Variants in CUX2 observed in about 807,000 individuals in gnomAD.
The protein encoded by CUX2 is homeobox protein cut-like 2.
A neutral mutation model predicts 144.8 loss-of-function variants in CUX2; 40 were observed. The ratio of observed to expected loss-of-function variants is 0.28; its 90% CI spans 0.21 to 0.36. CUX2 has a LOEUF of 0.36. Among genes scored for constraint, CUX2 ranks in the 10% least tolerant of loss-of-function variants. CUX2 has a pLI of 1.00. For synonymous variants in CUX2, 827 were observed against 875.6 expected (o/e 0.94, Z 0.98); for missense variants, 1,615 against 1,994.0 (o/e 0.81, Z 3.62).
At position 111,312,143 on chromosome 12, in the gene CUX2, C is replaced by T. The variant is rs199957017; in HGVS notation, c.1944C>T (p.Asp648=). The T allele has an allele frequency of 1.4e-3, 2,205 of 1,612,482 alleles. 16 individuals are homozygous for T. Among genetic ancestry groups the T allele is most frequent in the South Asian group, 0.011 (969 of 90,916 alleles). Residue 648 remains aspartate, a synonymous_variant, in exon 16 of 22, where the codon GAC becomes GAT. Transcript: ENST00000261726. This position sits in a 1 kb window ranked among gnomAD's most constrained non-coding sequence, Gnocchi z 4.3. ...PRIRTPETGS[D]DAIKSILEQA... ...TCCGCACGCCTGAGACAGGCTCAGA[C>T]GACGCCATCAAGAGCATTCTAGAGC... is the stretch of plus-strand genomic sequence containing the variant.
At chr12:111,140,260 C>A (rs922434532) in intron 1 of CUX2, among the ~76,000 whole-genome samples, 2 of 152,178 alleles carry the variant, frequency 1.3e-5, no homozygotes, top group Admixed American at 1.3e-4. Context: ...TATACAGGGA[C>A]TTAATTTCCC....
rs1271298951 is a variant in CUX2 at position 111,266,587 on chromosome 12, C to T, written c.301+2748C>T. Among the ~76,000 whole-genome samples the T allele has an allele frequency of 2.6e-5, 4 of 152,052 alleles. No homozygotes were observed. In the East Asian group the frequency reaches 7.7e-4, roughly 29 times the overall value. ...ACAAGGCAAGGAGCACCAAAGATTGCCAGCAACCATGAGAAACTGGGAGAG... is the reference window on the plus strand; with the variant it reads ...ACAAGGCAAGGAGCACCAAAGATTGTCAGCAACCATGAGAAACTGGGAGAG... On this transcript the variant is annotated intron_variant, in intron 4 of 21. Transcript: ENST00000261726.
chr12:111,204,749 A>G (rs1880812378), intron 1 of CUX2, among the ~76,000 whole-genome samples: 1 of 152,048 alleles, frequency 6.6e-6, no homozygotes, highest in Non-Finnish European at 1.5e-5. Flanking sequence ...TGGGAGAGGG[A>G]AATGAACTTT....
intron 9 of CUX2, among the ~76,000 whole-genome samples, chr12:111,301,307 C>T (rs1231323466): frequency 2.0e-5 from 3 of 152,134 alleles, no homozygotes; most frequent in African/African-American, 4.8e-5. Flanking sequence ...AAAATGAGAA[C>T]CAGCTGTCAT....
intron 1 of CUX2, among the ~76,000 whole-genome samples, chr12:111,118,354 ATG>A (rs1262046297): frequency 1.3e-5 from 2 of 152,218 alleles, no homozygotes; most frequent in East Asian, 3.8e-4. Context: ...GAAATACAAC[ATG>A]TTAAAGCATG....
chr12:111,239,953 T>A (rs146839396), intron 3 of CUX2, among the ~76,000 whole-genome samples: 1 of 152,252 alleles, frequency 6.6e-6, no homozygotes, highest in Non-Finnish European at 1.5e-5. Flanking sequence ...CAGTTTTAAG[T>A]GAAAACTTTG....
chr12:111,205,940 G>C (rs1880897417), intron 1 of CUX2, among the ~76,000 whole-genome samples: 1 of 152,160 alleles, frequency 6.6e-6, no homozygotes, highest in African/African-American at 2.4e-5. Context: ...TAGGCACTGA[G>C]GATATCTTGT....
At chr12:111,170,875 AG>A (rs1342548084) in intron 1 of CUX2, among the ~76,000 whole-genome samples, 1 of 151,976 alleles carries the variant, frequency 6.6e-6, no homozygotes, top group Non-Finnish European at 1.5e-5. Flanking sequence ...GCCGAGGTGG[AG>A]GGAATAAGCA....
chr12:111,256,651 C>T (rs1262292399), intron 3 of CUX2, among the ~76,000 whole-genome samples: 1 of 152,156 alleles, frequency 6.6e-6, no homozygotes, highest in Non-Finnish European at 1.5e-5. Flanking sequence ...GCACAGTTTG[C>T]AGCTGCAAGT....
At chr12:111,321,960 C>T (rs1484427049) in intron 17 of CUX2, among the ~76,000 whole-genome samples, 1 of 151,840 alleles carries the variant, frequency 6.6e-6, no homozygotes, top group African/African-American at 2.4e-5. Flanking sequence ...GGCACAGCAA[C>T]AGCACATGGC....
intron 1 of CUX2, among the ~76,000 whole-genome samples, chr12:111,168,661 T>C (rs1470153761): frequency 6.6e-6 from 1 of 152,226 alleles, no homozygotes; most frequent in East Asian, 1.9e-4. Flanking sequence ...AACTGTGTCA[T>C]ATTGGGATTG....
chr12:111,123,161 A>G (rs1874797676), intron 1 of CUX2, among the ~76,000 whole-genome samples: 2 of 152,160 alleles, frequency 1.3e-5, no homozygotes, highest in Admixed American at 1.3e-4. Flanking sequence ...AGAAATAGCT[A>G]ATGCTTACCC....
intron 1 of CUX2, among the ~76,000 whole-genome samples, chr12:111,074,462 C>T (rs1871411207): frequency 6.6e-6 from 1 of 152,036 alleles, no homozygotes; most frequent in African/African-American, 2.4e-5. Context: ...CTGTTCCCTG[C>T]CTGATCAGCT....
chr12:111,243,906 C>T (rs1057057135), intron 3 of CUX2, among the ~76,000 whole-genome samples: 1 of 152,062 alleles, frequency 6.6e-6, no homozygotes, highest in African/African-American at 2.4e-5. Flanking sequence ...TGTTCGTGAG[C>T]ACATGTGCCT....
At chr12:111,041,842 A>T (rs374306355) in intron 1 of CUX2, among the ~76,000 whole-genome samples, 2 of 152,178 alleles carry the variant, frequency 1.3e-5, no homozygotes, top group Non-Finnish European at 2.9e-5. Context: ...GCCTAGTTCC[A>T]GAAGAGGCTG....
At chr12:111,285,810 C>T (rs549492129) in intron 4 of CUX2, among the ~76,000 whole-genome samples, 155 of 152,340 alleles carry the variant, frequency 1.0e-3, no homozygotes, top group African/African-American at 3.5e-3. Flanking sequence ...CCGTTGCAGC[C>T]CGACTTTGGC....
chr12:111,328,644 G>C (rs1268214644), intron 18 of CUX2, among the ~76,000 whole-genome samples: 1 of 149,780 alleles, frequency 6.7e-6, no homozygotes, highest in African/African-American at 2.5e-5. Flanking sequence ...CTGTCGCCCA[G>C]GCTGGAGTGC....
chr12:111,164,815 G>A (rs1878026987), intron 1 of CUX2, among the ~76,000 whole-genome samples: 1 of 152,148 alleles, frequency 6.6e-6, no homozygotes. Context: ...TGATGTTACA[G>A]TGTGGTCCAC....
At chr12:111,080,290 C>T (rs1871808946) in intron 1 of CUX2, among the ~76,000 whole-genome samples, 1 of 152,174 alleles carries the variant, frequency 6.6e-6, no homozygotes, top group African/African-American at 2.4e-5. Flanking sequence ...CCCTCCCCTG[C>T]TGTATTTTCT....
Sources: allele counts gnomAD v4.1 joint callset (sites outside exome capture counted in the v4.1 genomes callset), GRCh38; gene constraint gnomAD v4.1.1; non-coding constraint Gnocchi (gnomAD v3.1); transcripts MANE v1.5; gene names NCBI Gene and HGNC (gene_info 2026-07-23, HGNC 2026-07-21).